The following RNF166 variants were observed in gnomAD, a reference collection of about 807,000 sequenced individuals.
RNF166 encodes the protein E3 ubiquitin-protein ligase RNF166.
RNF166 carries 19 observed loss-of-function variants against 29.4 expected under a neutral mutation model. The ratio of observed to expected loss-of-function variants is 0.65; its 90% CI spans 0.45 to 0.95. The LOEUF (loss-of-function observed/expected upper bound fraction) is 0.95, where lower values mean the gene tolerates loss of function less well. RNF166 is among the 40% of genes least tolerant of loss of function. The pLI is 0.00. For synonymous variants in RNF166, 171 were observed against 134.5 expected (o/e 1.27, Z -1.88); for missense variants, 347 against 322.1 (o/e 1.08, Z -0.59).
intron 2 of RNF166, chr16:88,700,593 T>C: frequency 1.0e-6 from 1 of 985,434 alleles, no homozygotes; most frequent in Non-Finnish European, 1.2e-6. Flanking sequence ...TGTGGCAACG[T>C]CGGGAAACGC....
At position 88,696,913 on chromosome 16, in the gene RNF166, T is replaced by G. The variant is rs1909687610; in HGVS notation, c.*655A>C. ...GCTCTGGCAGCTGCCCCACTGCTCC[T>G]TCCATCCTTGCCCCAATCCCCCAAT... On this transcript the variant is annotated 3_prime_UTR_variant, in exon 6 of 6. Coordinates refer to ENST00000312838, the MANE Select transcript of RNF166 (RefSeq NM_178841.4). The G allele has an allele frequency of 4.4e-6, 1 of 228,940 alleles. No individual in the cohort carries two copies. Among genetic ancestry groups the G allele is most frequent in the Non-Finnish European group, 8.8e-6 (1 of 113,192 alleles). The allele number at this position is 228,940 out of a possible 1,614,324, so 14.2% of individuals were successfully genotyped here.
At chr16:88,702,394 G>A (rs1264818380) in intron 1 of RNF166, among the ~76,000 whole-genome samples, 1 of 152,200 alleles carries the variant, frequency 6.6e-6, no homozygotes, top group Non-Finnish European at 1.5e-5. Context: ...CCTTCTCCCT[G>A]GCAAGGCCAC....
Position 88,700,686 on chromosome 16 carries a change from A to G in RNF166, c.312+576T>C, listed in dbSNP as rs556131088. The G allele has an allele frequency of 9.1e-6, 9 of 987,522 alleles. No homozygotes were observed. In the South Asian group the frequency reaches 4.1e-4, roughly 45 times the overall value. 61.2% of individuals were successfully genotyped at this position (987,522 alleles called of 1,614,324 possible). On this transcript the variant is annotated intron_variant, in intron 2 of 5. Transcript: ENST00000312838. ...GCTGGCTGGGGCCTCTCCACCCTGA[A>G]GCGGATGTGCCAGGGAGGGCCACGG...
chr16:88,704,618 C>G (rs555365936), intron 1 of RNF166: 2 of 932,098 alleles, frequency 2.1e-6, no homozygotes, highest in African/African-American at 1.8e-5. Flanking sequence ...AAAACAAGGC[C>G]TAAGTCAAGC....
chr16:88,706,307 G>T lies in RNF166; in HGVS notation c.19C>A (p.Leu7Met). MAMFRS[L>M]VASAQQRQPP... is the part of the protein sequence containing the mutation. Reference sequence around the variant, plus strand: ...TGCCGCTGCTGAGCCGAGGCCACCAGGCTGCGGAACATAGCCATCCCGGGG... The same window carrying T: ...TGCCGCTGCTGAGCCGAGGCCACCATGCTGCGGAACATAGCCATCCCGGGG... The change falls in exon 1 of 6, where the codon CTG becomes ATG. Residue 7 changes from leucine (L) to methionine (M), a missense_variant. Transcript: ENST00000312838. The T allele has an allele frequency of 8.0e-7, 1 of 1,254,360 alleles. No individual in the cohort carries two copies. Among genetic ancestry groups the T allele is most frequent in the Non-Finnish European group, 1.0e-6 (1 of 999,490 alleles). The allele number at this position is 1,254,360 out of a possible 1,614,324, so 77.7% of individuals were successfully genotyped here. A position where few individuals can be genotyped will look rare whatever the true frequency, so the allele number is the denominator to read the frequency against.
chr16:88,704,507 A>G, intron 1 of RNF166: 2 of 985,442 alleles, frequency 2.0e-6, no homozygotes, highest in East Asian at 1.1e-4. Flanking sequence ...TATTTGAAAA[A>G]GAAGGGCAAA....
chr16:88,706,314 G>A lies in RNF166; in HGVS notation c.12C>T (p.Phe4=). Residue 4 remains phenylalanine, a synonymous_variant, in exon 1 of 6, where the codon TTC becomes TTT. Transcript: ENST00000312838. MAM[F]RSLVASAQQR... ...GCTGAGCCGAGGCCACCAGGCTGCG[G>A]AACATAGCCATCCCGGGGCCAGGCC... The A allele has an allele frequency of 8.1e-7, 1 of 1,233,268 alleles. No individual in the cohort carries two copies. Among genetic ancestry groups the A allele is most frequent in the Non-Finnish European group, 1.0e-6 (1 of 987,886 alleles). 76.4% of individuals were successfully genotyped at this position (1,233,268 alleles called of 1,614,324 possible).
In RNF166 at chr16:88,697,456, GCTC is replaced by G; in HGVS notation, c.*109_*111del. On this transcript the variant is annotated 3_prime_UTR_variant, in exon 6 of 6. Coordinates refer to ENST00000312838, the MANE Select transcript of RNF166 (RefSeq NM_178841.4). The stretch of plus-strand genomic sequence containing the variant: ...CGGCTCCCCTTCTGCGCGGGTGCAG[GCTC>G]CTCCTGTGAGCTCAGTCCGGTGAGG... 1 of 767,622 alleles carries G rather than the reference GCTC, an allele frequency of 1.3e-6. No homozygotes were observed. Among genetic ancestry groups the G allele is most frequent in the Non-Finnish European group, 2.1e-6 (1 of 467,612 alleles). 47.6% of individuals were successfully genotyped at this position (767,622 alleles called of 1,614,324 possible).
rs563064309 is a variant in RNF166, at chr16:88,705,536, G to A, written c.155+635C>T. 3.3e-5 allele frequency among the ~76,000 whole-genome samples: 5 copies of A among 152,324 alleles called. No individual in the cohort carries two copies. In the South Asian group the frequency reaches 6.2e-4, roughly 19 times the overall value. Reference sequence around the variant, plus strand: ...TTTCTGTTCCTGAAACACCCTGGAGGAGCCGGCTGTGAGCCCTGGTGCAGC... The same window carrying A: ...TTTCTGTTCCTGAAACACCCTGGAGAAGCCGGCTGTGAGCCCTGGTGCAGC... On this transcript the variant is annotated intron_variant, in intron 1 of 5. Coordinates refer to ENST00000312838, the MANE Select transcript of RNF166 (RefSeq NM_178841.4).
intron 2 of RNF166, 80 bp downstream of exon 2, chr16:88,701,182 C>G: frequency 6.4e-7 from 1 of 1,556,468 alleles, no homozygotes; most frequent in Non-Finnish European, 8.8e-7. Flanking sequence ...GGGCCCCGGC[C>G]CCCACCCTCT....
In RNF166 at chr16:88,696,644, G is replaced by A. The variant is rs966671243; in HGVS notation, c.*924C>T. ...GCCCCCAAGCTCTGCCACCACTGGG[G>A]TGCCGTCCCCTCCCGCAGCGGGGCA... On this transcript the variant is annotated 3_prime_UTR_variant, in exon 6 of 6. Coordinates refer to ENST00000312838, the MANE Select transcript of RNF166 (RefSeq NM_178841.4). 4.0e-5 allele frequency: 18 copies of A among 445,820 alleles called. No individual in the cohort carries two copies. The highest frequency in any genetic ancestry group is 2.0e-4 in the African/African-American group (10 of 48,972). 27.6% of individuals were successfully genotyped at this position (445,820 alleles called of 1,614,324 possible).
intron 2 of RNF166, chr16:88,700,109 G>A (rs758879134): frequency 2.5e-5 from 4 of 163,208 alleles, no homozygotes; most frequent in Non-Finnish European, 5.4e-5. Flanking sequence ...GTGTGACTGA[G>A]GGGCAAGCTG....
At chr16:88,701,049 G>A (rs1350641577) in intron 2 of RNF166, 2 of 1,362,772 alleles carry the variant, frequency 1.5e-6, no homozygotes, top group East Asian at 2.6e-5. Context: ...CCCCCACCGG[G>A]CTGGCCCCCC....
chr16:88,705,777 T>G (rs946950176), intron 1 of RNF166, among the ~76,000 whole-genome samples: 1 of 152,206 alleles, frequency 6.6e-6, no homozygotes, highest in Non-Finnish European at 1.5e-5. Context: ...CTACAAGTTA[T>G]TTATTTACAA....
chr16:88,704,793 C>T (rs2142679214), intron 1 of RNF166, among the ~76,000 whole-genome samples: 1 of 152,334 alleles, frequency 6.6e-6, no homozygotes, highest in East Asian at 1.9e-4. Flanking sequence ...AGTTCGAGAC[C>T]AGCCTGGCCA....
intron 1 of RNF166, chr16:88,702,974 C>T (rs989588320): frequency 2.5e-4 from 244 of 985,574 alleles, no homozygotes; most frequent in Non-Finnish European, 2.9e-4. Flanking sequence ...AGCTCAGGTG[C>T]CCGTCGGTAA....
intron 3 of RNF166, among the ~76,000 whole-genome samples, 196 bp downstream of exon 3, chr16:88,699,424 C>CA (rs1267050460): frequency 2.6e-5 from 4 of 152,256 alleles, no homozygotes; most frequent in Non-Finnish European, 5.9e-5. Flanking sequence ...GTCCCTACCC[C>CA]AGGGGGCCTG....
chr16:88,702,870 C>G (rs141236516), intron 1 of RNF166: 13 of 985,388 alleles, frequency 1.3e-5, no homozygotes, highest in Non-Finnish European at 1.6e-5. Flanking sequence ...CTACTTCACC[C>G]GTTCACGGGA....
At chr16:88,704,107 A>T in intron 1 of RNF166, 5 of 985,472 alleles carry the variant, frequency 5.1e-6, no homozygotes, top group Non-Finnish European at 6.0e-6. Context: ...TTGCCATGAG[A>T]GATCTACCCT....
Sources: allele counts gnomAD v4.1 joint callset (sites outside exome capture counted in the v4.1 genomes callset), GRCh38; gene constraint gnomAD v4.1.1; transcripts MANE v1.5; gene names NCBI Gene and HGNC (gene_info 2026-07-23, HGNC 2026-07-21).